GNG7: variants seen among roughly 807,000 people sequenced by gnomAD.
GNG7 encodes the protein G protein subunit gamma 7.
GNG7 carries 1 observed loss-of-function variant against 4.0 expected under a neutral mutation model. That is an observed-to-expected ratio of 0.25 (90% CI 0.09 to 1.18). The LOEUF is 1.18. GNG7 is among the 50% of genes most tolerant of loss of function. The probability of loss-of-function intolerance (pLI) is 0.50; values close to 1 mark genes in which losing one functional copy is unlikely to be tolerated. For missense variants in GNG7, 86 were observed against 91.9 expected, an observed-to-expected ratio of 0.94 and a Z score of 0.26; for synonymous variants, 34 against 36.9, an observed-to-expected ratio of 0.92 and a Z score of 0.29.
At chr19:2,553,864 G>A (rs1568241343) in intron 3 of GNG7, among the ~76,000 whole-genome samples, 1 of 147,136 alleles carries the variant, frequency 6.8e-6, no homozygotes, top group African/African-American at 2.5e-5. Flanking sequence ...CATATTATAT[G>A]TAACATTGCA....
chr19:2,688,232 G>A (rs752660689), intron 1 of GNG7, among the ~76,000 whole-genome samples: 16 of 152,218 alleles, frequency 1.1e-4, no homozygotes, highest in South Asian at 2.1e-4. Flanking sequence ...CAGCCTGGGC[G>A]ACAGAGCGAG....
chr19:2,658,125 T>G (rs1214627526), intron 1 of GNG7, among the ~76,000 whole-genome samples: 1 of 152,152 alleles, frequency 6.6e-6, no homozygotes, highest in African/African-American at 2.4e-5. Flanking sequence ...TTTTACCTCT[T>G]TGTCTTGTGT....
At chr19:2,520,482 C>T (rs1261597813) in intron 4 of GNG7, 126 bp downstream of exon 4, 2 of 609,388 alleles carry the variant, frequency 3.3e-6, no homozygotes, top group Non-Finnish European at 6.0e-6. Context: ...GGGAGGGCCT[C>T]AAGGTCACAC....
chr19:2,556,032 GC>G (rs2144763658), intron 2 of GNG7, among the ~76,000 whole-genome samples: 1 of 152,352 alleles, frequency 6.6e-6, no homozygotes, highest in South Asian at 2.1e-4. Context: ...GCAGCGATCT[GC>G]CCCCTCCAGC....
In GNG7 at chr19:2,618,362, T is replaced by TGTGTGC. The variant is rs1220973394; in HGVS notation, c.-78+27861_-78+27862insGCACAC. Among the ~76,000 whole-genome samples the TGTGTGC allele has an allele frequency of 8.2e-4, 125 of 152,094 alleles. No homozygotes were observed. Among genetic ancestry groups the TGTGTGC allele is most frequent in the Middle Eastern group, 3.4e-3 (1 of 294 alleles). ...TGTGTGGTGTGTGTGTGTGTGTGTG[T>TGTGTGC]GTGTGTGTGTGTATCTCACTCTGTT... On this transcript the variant is annotated intron_variant, in intron 2 of 4. Transcript: ENST00000382159. This position sits in a 1 kb window ranked among gnomAD's most constrained non-coding sequence, Gnocchi z 5.1.
chr19:2,659,610 A>AAAGAG (rs5826778), intron 1 of GNG7, among the ~76,000 whole-genome samples: 1 of 121,452 alleles, frequency 8.2e-6, no homozygotes, highest in African/African-American at 3.3e-5. Flanking sequence ...AAAAAAAAAA[A>AAAGAG]AGAGAGGAGG....
chr19:2,690,995 A>G (rs1913122932), intron 1 of GNG7, among the ~76,000 whole-genome samples: 2 of 152,090 alleles, frequency 1.3e-5, no homozygotes. Context: ...TCCAATAGAG[A>G]CTGGGGACTC....
chr19:2,604,470 CAAA>C (rs112959127), intron 2 of GNG7, among the ~76,000 whole-genome samples: 2 of 37,354 alleles, frequency 5.4e-5, no homozygotes, highest in Non-Finnish European at 1.2e-4. Context: ...GACCCTGCTT[CAAA>C]AAAAAAAAAA....
rs554223177 is a variant in GNG7, at chr19:2,607,313, T to G, written c.-78+38911A>C. On this transcript the variant is annotated intron_variant, in intron 2 of 4. Transcript: ENST00000382159. ...CAGGCAGATCATCTGAGGTCGGGAGTTCAAGACCAGCCTGGCCAACATGGA... is the reference window on the plus strand; with the variant it reads ...CAGGCAGATCATCTGAGGTCGGGAGGTCAAGACCAGCCTGGCCAACATGGA... Among the ~76,000 whole-genome samples, 8 of 143,636 alleles carry G rather than the reference T, an allele frequency of 5.6e-5. No individual in the cohort carries two copies. The East Asian group carries it at 1.0e-3, about 18-fold the overall frequency. The allele number at this position is 143,636 out of a possible 152,430, so 94.2% of individuals were successfully genotyped here. A position where few individuals can be genotyped will look rare whatever the true frequency, so the allele number is the denominator to read the frequency against.
intron 3 of GNG7, among the ~76,000 whole-genome samples, chr19:2,531,983 C>G (rs1332905114): frequency 6.6e-6 from 1 of 151,766 alleles, no homozygotes; most frequent in African/African-American, 2.4e-5. Context: ...AACCCCGTCT[C>G]TACTAAAAAC....
At position 2,513,164 on chromosome 19, in the gene GNG7, G is replaced by A. The variant is rs1014087872; in HGVS notation, c.*1858C>T. The A allele has an allele frequency of 6.7e-5, 66 of 979,258 alleles. No homozygotes were observed. Among genetic ancestry groups the A allele is most frequent in the East Asian group, 2.3e-4 (2 of 8,798 alleles). 60.7% of individuals were successfully genotyped at this position (979,258 alleles called of 1,614,324 possible). A position where few individuals can be genotyped will look rare whatever the true frequency, so the allele number is the denominator to read the frequency against. On this transcript the variant is annotated 3_prime_UTR_variant, in exon 5 of 5. Transcript: ENST00000382159. ...ACACCCGGAGCCCTCTAGCCTTGGCGAGGTGGGAACCCTGGCAGTCACCAG... is the reference window on the plus strand; with the variant it reads ...ACACCCGGAGCCCTCTAGCCTTGGCAAGGTGGGAACCCTGGCAGTCACCAG...
chr19:2,515,040 T>A lies in GNG7; in HGVS notation c.189A>T (p.Lys63Asn). 1 of 1,613,348 alleles carries A rather than the reference T, an allele frequency of 6.2e-7. No homozygotes were observed. The highest frequency in any genetic ancestry group is 8.5e-7 in the Non-Finnish European group (1 of 1,179,578). ...PASENPFKDK[K>N]PCIIL ...AACACAGTTATAAAATAATACAAGGTTTCTTGTCCTTAAAGGGGTTCTCCG... is the reference window on the plus strand; with the variant it reads ...AACACAGTTATAAAATAATACAAGGATTCTTGTCCTTAAAGGGGTTCTCCG... Residue 63 changes from lysine to asparagine, a missense_variant, in exon 5 of 5, where the codon AAA becomes AAT. Transcript: ENST00000382159.
At chr19:2,519,706 A>T (rs1331194890) in intron 4 of GNG7, among the ~76,000 whole-genome samples, 4 of 151,786 alleles carry the variant, frequency 2.6e-5, no homozygotes, top group Non-Finnish European at 5.9e-5. Context: ...GAAGGGCTTA[A>T]GAGAAAAAGC....
At chr19:2,658,778 T>C (rs545518846) in intron 1 of GNG7, among the ~76,000 whole-genome samples, 1 of 152,296 alleles carries the variant, frequency 6.6e-6, no homozygotes, top group East Asian at 1.9e-4. Context: ...TCATTAGTTG[T>C]AACAAATGTA....
At chr19:2,566,397 G>T (rs1416785574) in intron 2 of GNG7, among the ~76,000 whole-genome samples, 1 of 152,134 alleles carries the variant, frequency 6.6e-6, no homozygotes, top group Non-Finnish European at 1.5e-5. Context: ...CTACACCTTG[G>T]CCTTGGACTT....
intron 1 of GNG7, among the ~76,000 whole-genome samples, chr19:2,652,923 T>C (rs1311759683): frequency 6.6e-6 from 1 of 151,544 alleles, no homozygotes; most frequent in East Asian, 1.9e-4. Context: ...GGCCAGAAGT[T>C]TGCAACCAGC....
intron 2 of GNG7, among the ~76,000 whole-genome samples, chr19:2,593,743 A>G (rs1980920461): frequency 7.3e-6 from 1 of 137,740 alleles, no homozygotes; most frequent in Admixed American, 7.2e-5. Flanking sequence ...GACTCCATCT[A>G]AAAAAAAAAA....
intron 2 of GNG7, among the ~76,000 whole-genome samples, chr19:2,581,297 G>T (rs942496688): frequency 6.7e-6 from 1 of 149,592 alleles, no homozygotes. Flanking sequence ...CAGACTGATG[G>T]GGGGGGCCGC....
chr19:2,564,179 C>T (rs896491240), intron 2 of GNG7, among the ~76,000 whole-genome samples: 1 of 152,158 alleles, frequency 6.6e-6, no homozygotes, highest in Non-Finnish European at 1.5e-5. Flanking sequence ...ACGTAACCTT[C>T]TCAGAGATGG....
Sources: gnomAD v4.1 joint callset for allele counts (sites outside exome capture counted in the v4.1 genomes callset) on GRCh38, gnomAD v4.1.1 for gene constraint, Gnocchi (gnomAD v3.1) non-coding constraint, MANE v1.5 for transcripts, NCBI Gene and HGNC (gene_info 2026-07-23, HGNC 2026-07-21) for gene names.